The following FGD6 variants were observed in gnomAD, a reference collection of about 807,000 sequenced individuals.
The protein encoded by FGD6 is FYVE, RhoGEF and PH domain containing 6.
A neutral mutation model predicts 149.4 loss-of-function variants in FGD6; 90 were observed. The ratio of observed to expected loss-of-function variants is 0.60; its 90% confidence interval spans 0.51 to 0.72. The LOEUF is 0.72. FGD6 is among the 30% of genes least tolerant of loss of function. FGD6 has a pLI of 0.00. For synonymous variants in FGD6, 527 were observed against 584.0 expected (o/e 0.90, Z 1.41); for missense variants, 1,437 against 1,684.8 (o/e 0.85, Z 2.57).
intron 18 of FGD6, among the ~76,000 whole-genome samples, chr12:95,088,749 CAAG>C (rs1208225290): frequency 6.6e-6 from 1 of 152,168 alleles, no homozygotes; most frequent in African/African-American, 2.4e-5. Context: ...TCAGACATAA[CAAG>C]AAACGAAGTA....
chr12:95,093,223 AAAAC>A (rs937971547), intron 15 of FGD6, among the ~76,000 whole-genome samples: 27 of 151,906 alleles, frequency 1.8e-4, no homozygotes, highest in Admixed American at 1.2e-3. Context: ...TCCGTCTCAA[AAAAC>A]AAACAAACAA....
intron 3 of FGD6, among the ~76,000 whole-genome samples, chr12:95,153,978 GAGAC>G (rs1418953167): frequency 8.6e-5 from 13 of 151,844 alleles, no homozygotes; most frequent in Non-Finnish European, 1.9e-4. Flanking sequence ...GAGAGAGAGA[GAGAC>G]AGAGTCTCGC....
At chr12:95,103,525 C>T (rs549322106) in intron 14 of FGD6, among the ~76,000 whole-genome samples, 4 of 152,096 alleles carry the variant, frequency 2.6e-5, no homozygotes, top group Non-Finnish European at 5.9e-5. Flanking sequence ...TAATGGATTT[C>T]TTTTCCCGCC....
intron 8 of FGD6, among the ~76,000 whole-genome samples, chr12:95,134,110 T>G (rs549648651): frequency 6.6e-6 from 1 of 152,200 alleles, no homozygotes; most frequent in African/African-American, 2.4e-5. Context: ...CTAATACTTA[T>G]GTAGAACTTG....
intron 7 of FGD6, among the ~76,000 whole-genome samples, chr12:95,136,478 C>T (rs536649068): frequency 9.9e-4 from 151 of 152,280 alleles, no homozygotes; most frequent in African/African-American, 3.3e-3. Flanking sequence ...AAATACAGTA[C>T]GCAAATTTTA....
At chr12:95,107,237 C>T (rs916072633) in intron 12 of FGD6, among the ~76,000 whole-genome samples, 200 bp from the exon 13 acceptor site, 2 of 152,162 alleles carry the variant, frequency 1.3e-5, no homozygotes, top group African/African-American at 2.4e-5. Context: ...TTCTGGAAAA[C>T]GTGCTTTATT....
chr12:95,174,303 G>C (rs1240186663), intron 2 of FGD6, among the ~76,000 whole-genome samples: 2 of 152,150 alleles, frequency 1.3e-5, no homozygotes, highest in Non-Finnish European at 2.9e-5. Flanking sequence ...ACAGACTATA[G>C]GATCCAACCA....
chr12:95,185,976 CA>C (rs1468367087), intron 2 of FGD6, among the ~76,000 whole-genome samples: 2 of 152,088 alleles, frequency 1.3e-5, no homozygotes, highest in African/African-American at 4.8e-5. Context: ...TTTTAAAAAG[CA>C]GGCATGAGAA....
At chr12:95,085,986 G>A in intron 18 of FGD6, 78 bp from the exon 19 acceptor site, 1 of 1,358,158 alleles carries the variant, frequency 7.4e-7, no homozygotes, top group Non-Finnish European at 1.0e-6. Flanking sequence ...ACCAATAGGT[G>A]CTGAAAGCAA....
intron 17 of FGD6, 101 bp from the exon 18 acceptor site, chr12:95,089,797 G>A (rs1366549232): frequency 1.4e-6 from 2 of 1,454,450 alleles, no homozygotes; most frequent in Admixed American, 2.0e-5. Flanking sequence ...TCCATGGAAG[G>A]ACACTAAGAA....
intron 8 of FGD6, among the ~76,000 whole-genome samples, chr12:95,114,366 G>T (rs1380498494): frequency 3.3e-5 from 5 of 151,636 alleles, no homozygotes; most frequent in Non-Finnish European, 5.9e-5. Flanking sequence ...AGCACTTTGG[G>T]AGGCCAAAGG....
At chr12:95,134,206 T>A (rs1264254787) in intron 8 of FGD6, among the ~76,000 whole-genome samples, 2 of 152,112 alleles carry the variant, frequency 1.3e-5, no homozygotes, top group African/African-American at 4.8e-5. Flanking sequence ...TCAAAGATCC[T>A]CCCGCCTCAG....
rs771667161 is a variant in FGD6 at position 95,108,557 on chromosome 12, G to C, written c.3138C>G (p.Ala1046=). Residue 1046 remains alanine, a synonymous_variant, in exon 10 of 21, where the codon GCC becomes GCG. Coordinates refer to ENST00000343958, the MANE Select transcript of FGD6 (RefSeq NM_018351.4). ...TGGCTACCTCTATAACAACAGCAAG[G>C]GCATCTGAAATAGGCAGGAACAAAA... ...DAGDYRDTQD[A]LAVVIEVANH... is the part of the protein sequence containing the mutation. 1.9e-6 allele frequency: 3 copies of C among 1,613,904 alleles called. No homozygotes were observed. The Admixed American group carries it at 5.0e-5, about 27-fold the overall frequency.
At chr12:95,125,743 C>A in intron 8 of FGD6, 1 of 631,422 alleles carries the variant, frequency 1.6e-6, no homozygotes. Context: ...AATTCCTTCT[C>A]ACCGACTGCC....
At chr12:95,142,482 T>G (rs1879881041) in intron 5 of FGD6, among the ~76,000 whole-genome samples, 1 of 152,130 alleles carries the variant, frequency 6.6e-6, no homozygotes, top group Non-Finnish European at 1.5e-5. Context: ...TTCACCTTGT[T>G]GCCCAGGCTG....
At chr12:95,144,953 T>C (rs1047831519) in intron 5 of FGD6, among the ~76,000 whole-genome samples, 3 of 147,874 alleles carry the variant, frequency 2.0e-5, no homozygotes, top group African/African-American at 7.5e-5. Flanking sequence ...CCTCTGAAAG[T>C]GCTGGGATTA....
intron 20 of FGD6, 94 bp downstream of exon 20, chr12:95,084,404 G>A (rs918559106): frequency 9.7e-6 from 10 of 1,026,600 alleles, no homozygotes; most frequent in African/African-American, 8.3e-5. Context: ...TAAATTTTGA[G>A]TTGTCCCCAT....
chr12:95,204,128 G>A (rs4762278), intron 2 of FGD6, among the ~76,000 whole-genome samples: 5 of 152,164 alleles, frequency 3.3e-5, no homozygotes, highest in Admixed American at 3.3e-4. Context: ...ATAATCCAGA[G>A]TGGCTCACAG....
rs1422659276 is a variant in FGD6, at chr12:95,180,768, AC to A, written c.2442-8025del. Among the ~76,000 whole-genome samples, 3 of 151,068 alleles carry A rather than the reference AC, an allele frequency of 2.0e-5. No homozygotes were observed. The Admixed American group carries it at 2.0e-4, about 10-fold the overall frequency. The stretch of plus-strand genomic sequence containing the variant: ...CATTTTTACTTTTTCAAAGTTGACC[AC>A]CCCCCCGACACACACAGAGTCTGAA... On this transcript the variant is annotated intron_variant, in intron 2 of 20. Coordinates refer to ENST00000343958, the MANE Select transcript of FGD6 (RefSeq NM_018351.4).
Sources: allele counts gnomAD v4.1 joint callset (sites outside exome capture counted in the v4.1 genomes callset), GRCh38; gene constraint gnomAD v4.1.1; transcripts MANE v1.5; gene names NCBI Gene and HGNC (gene_info 2026-07-23, HGNC 2026-07-21).